Variants in SLC24A3 observed in about 807,000 individuals in gnomAD.
SLC24A3 encodes sodium/potassium/calcium exchanger 3.
SLC24A3 carries 28 observed loss-of-function variants against 75.8 expected under a neutral mutation model. The observed-to-expected ratio is 0.37, with a 90% confidence interval of 0.27 to 0.51. The LOEUF (loss-of-function observed/expected upper bound fraction) is 0.51, where lower values mean the gene tolerates loss of function less well. Ranked by LOEUF, SLC24A3 falls within the 20% of genes least tolerant of loss-of-function variation. The probability of loss-of-function intolerance (pLI) is 0.94; values close to 1 mark genes in which losing one functional copy is unlikely to be tolerated. For synonymous variants in SLC24A3, 372 were observed against 334.1 expected (o/e 1.11, Z -1.24); for missense variants, 663 against 847.8 (o/e 0.78, Z 2.71).
intron 6 of SLC24A3, among the ~76,000 whole-genome samples, chr20:19,611,875 G>A (rs753462576): frequency 5.3e-5 from 8 of 152,138 alleles, no homozygotes; most frequent in Non-Finnish European, 7.3e-5. Flanking sequence ...AGCCTTTGGC[G>A]CACTTGTTCA....
chr20:19,399,525 T>A (rs1333227666), intron 2 of SLC24A3, among the ~76,000 whole-genome samples: 6 of 152,252 alleles, frequency 3.9e-5, no homozygotes, highest in Non-Finnish European at 7.3e-5. Flanking sequence ...AATATATTAT[T>A]TGTTTCCAAA....
At chr20:19,299,975 C>A (rs566275505) in intron 2 of SLC24A3, among the ~76,000 whole-genome samples, 1 of 152,284 alleles carries the variant, frequency 6.6e-6, no homozygotes, top group South Asian at 2.1e-4. Flanking sequence ...TTTCCAGAGC[C>A]TCCCAAATGT....
chr20:19,488,866 C>A (rs1988166329), intron 2 of SLC24A3, among the ~76,000 whole-genome samples: 1 of 152,094 alleles, frequency 6.6e-6, no homozygotes, highest in Non-Finnish European at 1.5e-5. Context: ...GTACACTGAA[C>A]AATCAGCAAG....
intron 8 of SLC24A3, among the ~76,000 whole-genome samples, chr20:19,669,294 G>A (rs924884701): frequency 1.3e-5 from 2 of 152,156 alleles, no homozygotes; most frequent in African/African-American, 4.8e-5. Flanking sequence ...TTGAGGTTAG[G>A]AGTTCGAGAC....
At chr20:19,244,158 T>A (rs149556035) in intron 1 of SLC24A3, 1 of 152,328 alleles carries the variant, frequency 6.6e-6, no homozygotes, top group East Asian at 1.9e-4. Context: ...CAGGCCTTTA[T>A]CCCTTCATCA....
At chr20:19,575,101 A>G (rs1301894591) in intron 3 of SLC24A3, among the ~76,000 whole-genome samples, 1 of 152,112 alleles carries the variant, frequency 6.6e-6, no homozygotes, top group Admixed American at 6.5e-5. Flanking sequence ...AATACAAAAA[A>G]AAATGAAGGG....
intron 6 of SLC24A3, among the ~76,000 whole-genome samples, chr20:19,636,112 C>G (rs2031999718): frequency 6.6e-6 from 1 of 151,600 alleles, no homozygotes; most frequent in Non-Finnish European, 1.5e-5. Flanking sequence ...TGCACTTCAG[C>G]CTGGGCGACA....
intron 2 of SLC24A3, among the ~76,000 whole-genome samples, chr20:19,450,603 G>T (rs1987463970): frequency 6.6e-6 from 1 of 152,206 alleles, no homozygotes; most frequent in African/African-American, 2.4e-5. Context: ...GACATCACCA[G>T]CTCATAGAGT....
chr20:19,593,497 G>T (rs149616561), intron 6 of SLC24A3, among the ~76,000 whole-genome samples: 2 of 152,150 alleles, frequency 1.3e-5, no homozygotes, highest in Non-Finnish European at 1.5e-5. Flanking sequence ...GCACTGTCTC[G>T]CAGCGTTACA....
At chr20:19,241,842 G>T (rs1982337273) in intron 1 of SLC24A3, among the ~76,000 whole-genome samples, 1 of 152,176 alleles carries the variant, frequency 6.6e-6, no homozygotes, top group Non-Finnish European at 1.5e-5. Context: ...CTGACAATGG[G>T]GGTCATTTTA....
At chr20:19,416,945 A>T (rs1215064928) in intron 2 of SLC24A3, among the ~76,000 whole-genome samples, 1 of 152,222 alleles carries the variant, frequency 6.6e-6, no homozygotes, top group East Asian at 1.9e-4. Context: ...GGAGCAGTTA[A>T]CCTAAAACCA....
intron 2 of SLC24A3, among the ~76,000 whole-genome samples, chr20:19,311,590 G>A (rs1737149757): frequency 1.3e-5 from 2 of 152,102 alleles, no homozygotes; most frequent in African/African-American, 4.8e-5. Flanking sequence ...CCTGGGAGGT[G>A]TGGGGTAAAG....
In SLC24A3 at chr20:19,585,523, C is replaced by A. The variant is rs755305922; in HGVS notation, c.591C>A (p.Val197=). Residue 197 remains valine (V), a synonymous_variant, in exon 6 of 17, where the codon GTC becomes GTA. Transcript: ENST00000328041. ...AVFNILCIIG[V]CGLFAGQVVA... is the part of the protein sequence containing the mutation. Reference sequence around the variant, plus strand: ...TCAACATCCTGTGCATCATTGGTGTCTGTGGGCTCTTTGCTGGGCAGGTAA... The same window carrying A: ...TCAACATCCTGTGCATCATTGGTGTATGTGGGCTCTTTGCTGGGCAGGTAA... The A allele has an allele frequency of 6.2e-7, 1 of 1,614,102 alleles. No individual in the cohort carries two copies. The highest frequency in any genetic ancestry group is 1.1e-5 in the South Asian group (1 of 91,062).
chr20:19,545,239 G>A (rs1469823949), intron 3 of SLC24A3, among the ~76,000 whole-genome samples: 2 of 152,214 alleles, frequency 1.3e-5, no homozygotes, highest in African/African-American at 2.4e-5. Context: ...ATCCAGCTCT[G>A]CAGGAGCAGA....
intron 2 of SLC24A3, among the ~76,000 whole-genome samples, chr20:19,415,675 G>A (rs1214756746): frequency 6.6e-6 from 1 of 151,850 alleles, no homozygotes. Context: ...TAGGTCCCTG[G>A]TCAGGGATTT....
At chr20:19,551,490 G>A (rs906756789) in intron 3 of SLC24A3, among the ~76,000 whole-genome samples, 4 of 152,094 alleles carry the variant, frequency 2.6e-5, no homozygotes, top group Admixed American at 1.3e-4. Flanking sequence ...TATGACTCCC[G>A]CCTCCCCATC....
rs3790198 is a variant in SLC24A3, at chr20:19,397,790, A to G, written c.271+116703A>G. Among the ~76,000 whole-genome samples the G allele has an allele frequency of 2.0e-4, 30 of 151,980 alleles. No homozygotes were observed. In the East Asian group the frequency reaches 4.6e-3, roughly 23 times the overall value. ...CTTCCAAGAAATAACATAATTTGGA[A>G]CTATTGTTATGATGTTGAAAGGGCT... is the stretch of plus-strand genomic sequence containing the variant. On this transcript the variant is annotated intron_variant, in intron 2 of 16. Transcript: ENST00000328041.
chr20:19,294,182 A>T (rs1404729777), intron 2 of SLC24A3, among the ~76,000 whole-genome samples: 2 of 151,778 alleles, frequency 1.3e-5, no homozygotes, highest in Non-Finnish European at 2.9e-5. Context: ...TTAATGGAAA[A>T]CTCTAGCATT....
chr20:19,399,362 C>T (rs997088521), intron 2 of SLC24A3, among the ~76,000 whole-genome samples: 1 of 151,950 alleles, frequency 6.6e-6, no homozygotes, highest in African/African-American at 2.4e-5. Flanking sequence ...GATTTGAAAC[C>T]TTTCTTCTTT....
Sources: allele counts gnomAD v4.1 joint callset (sites outside exome capture counted in the v4.1 genomes callset), GRCh38; gene constraint gnomAD v4.1.1; transcripts MANE v1.5; gene names NCBI Gene and HGNC (gene_info 2026-07-23, HGNC 2026-07-21).